Variants in KIAA1614 observed in about 807,000 individuals in gnomAD.
KIAA1614 encodes uncharacterized protein KIAA1614.
A neutral mutation model predicts 88.7 loss-of-function variants in KIAA1614; 76 were observed. That is an observed-to-expected ratio of 0.86 (90% CI 0.71 to 1.04). KIAA1614 has a LOEUF of 1.04. Ranked by LOEUF, KIAA1614 falls within the 50% of genes least tolerant of loss-of-function variation. KIAA1614 has a pLI of 0.00. For missense variants in KIAA1614, 1,553 were observed against 1,582.5 expected (o/e 0.98, Z 0.32); for synonymous variants, 714 against 675.5 (o/e 1.06, Z -0.88).
At chr1:180,928,978 C>T (rs138081234) in intron 4 of KIAA1614, among the ~76,000 whole-genome samples, 167 of 152,272 alleles carry the variant, frequency 1.1e-3, no homozygotes, top group African/African-American at 3.9e-3. Flanking sequence ...TGAGGCTTGA[C>T]GGAAGTATAG....
At chr1:180,933,055 TA>T (rs1338628704) in intron 4 of KIAA1614, among the ~76,000 whole-genome samples, 1 of 152,132 alleles carries the variant, frequency 6.6e-6, no homozygotes, top group South Asian at 2.1e-4. Flanking sequence ...GAGTTCTTTT[TA>T]AAAAAAATTT....
In KIAA1614 at chr1:180,917,977, A is replaced by G. The variant is rs1205799796; in HGVS notation, c.1061+63A>G. ...CTCACCATGGTCCCTCTATTTACTCAGCATCAGGACAGTAAGAGACCTCCC... is the reference window on the plus strand; with the variant it reads ...CTCACCATGGTCCCTCTATTTACTCGGCATCAGGACAGTAAGAGACCTCCC... On this transcript the variant is annotated intron_variant, in intron 3 of 8. Coordinates refer to ENST00000367588, the MANE Select transcript of KIAA1614 (RefSeq NM_020950.2). 4.9e-6 allele frequency: 7 copies of G among 1,417,236 alleles called. No homozygotes were observed. The East Asian group carries it at 6.9e-5, about 14-fold the overall frequency. The allele number at this position is 1,417,236 out of a possible 1,614,324, so 87.8% of individuals were successfully genotyped here.
At chr1:180,944,252 T>C in intron 7 of KIAA1614, 137 bp from the exon 8 acceptor site, 1 of 824,220 alleles carries the variant, frequency 1.2e-6, no homozygotes. Flanking sequence ...TGGTTCCTGT[T>C]GAATTCTTGG....
intron 4 of KIAA1614, among the ~76,000 whole-genome samples, chr1:180,929,754 G>A (rs1477804182): frequency 1.3e-5 from 2 of 152,242 alleles, no homozygotes; most frequent in African/African-American, 2.4e-5. Context: ...GCTATGCCAG[G>A]TCTCACCAGG....
At chr1:180,944,666 G>A in intron 8 of KIAA1614, 150 bp downstream of exon 8, 1 of 830,074 alleles carries the variant, frequency 1.2e-6, no homozygotes, top group Non-Finnish European at 1.8e-6. Context: ...AGACGAGGCT[G>A]CCACGGGAGT....
chr1:180,945,336 T>C lies in KIAA1614; in HGVS notation c.3321T>C (p.Ser1107=). The C allele has an allele frequency of 1.3e-6, 2 of 1,592,794 alleles. No individual in the cohort carries two copies. The highest frequency in any genetic ancestry group is 1.9e-5 in the Admixed American group (1 of 53,366). Residue 1107 remains serine, a synonymous_variant, in exon 9 of 9, where the codon AGT becomes AGC. Coordinates refer to ENST00000367588, the MANE Select transcript of KIAA1614 (RefSeq NM_020950.2). ...PAKTSPRRAL[S]VEDVGAPSLA... is the part of the protein sequence containing the mutation. The stretch of plus-strand genomic sequence containing the variant: ...AGACTTCACCACGGCGTGCCCTCAG[T>C]GTGGAGGACGTGGGTGCTCCCAGCC...
intron 4 of KIAA1614, among the ~76,000 whole-genome samples, chr1:180,931,573 G>A (rs1654197922): frequency 6.6e-6 from 1 of 152,238 alleles, no homozygotes; most frequent in African/African-American, 2.4e-5. Context: ...TTTATGCACA[G>A]TTGCTGACAC....
Position 180,916,976 on chromosome 1 carries a change from G to T in KIAA1614, c.873G>T (p.Leu291Phe). 1 of 1,614,196 alleles carries T rather than the reference G, an allele frequency of 6.2e-7. No individual in the cohort carries two copies. The highest frequency in any genetic ancestry group is 1.1e-5 in the South Asian group (1 of 91,088). The change falls in exon 2 of 9, where the codon TTG becomes TTT. Residue 291 changes from leucine (L) to phenylalanine (F), a missense_variant. By Grantham distance (22) the Leu-to-Phe change is conservative (BLOSUM62 0). Transcript: ENST00000367588. The part of the protein sequence containing the change: ...LEALGAGSSV[L>F]SLSDRVERNR... ...CTCTGGGCGCTGGGAGCAGTGTCTT[G>T]TCCCTGTCTGATCGGGTGGAGAGAA...
intron 4 of KIAA1614, among the ~76,000 whole-genome samples, chr1:180,930,878 C>G (rs1654182727): frequency 6.6e-6 from 1 of 152,248 alleles, no homozygotes; most frequent in Non-Finnish European, 1.5e-5. Flanking sequence ...TCAAATCACC[C>G]TGGAGGGCCA....
chr1:180,938,722 G>A lies in KIAA1614; in HGVS notation c.2918+11G>A. 6.2e-7 allele frequency: 1 copy of A among 1,612,844 alleles called. No individual in the cohort carries two copies. The highest frequency in any genetic ancestry group is 2.2e-5 in the East Asian group (1 of 44,872). On this transcript the variant is annotated intron_variant, in intron 6 of 8. Coordinates refer to ENST00000367588, the MANE Select transcript of KIAA1614 (RefSeq NM_020950.2). ...ACATGTGCTGTCAAGGTGAGTGACA[G>A]GAGAAAGAGCCAGATTGCAGAAGGA... is the stretch of plus-strand genomic sequence containing the variant.
chr1:180,941,671 A>AT (rs1654468814), intron 7 of KIAA1614, among the ~76,000 whole-genome samples: 1 of 152,092 alleles, frequency 6.6e-6, no homozygotes, highest in African/African-American at 2.4e-5. Flanking sequence ...CAGTCCCTTG[A>AT]CTGGCCTCCC....
chr1:180,942,948 A>G (rs1403710322), intron 7 of KIAA1614, among the ~76,000 whole-genome samples: 1 of 152,224 alleles, frequency 6.6e-6, no homozygotes, highest in Non-Finnish European at 1.5e-5. Context: ...TCTCCCCTGC[A>G]GTATTTGTGA....
rs781710804 is a variant in KIAA1614, at chr1:180,917,148, TC to T, written c.997+50del. ...AGGTGGTGGGGGGAGCAGGAGGGAA[TC>T]CAGAGGGAGGAAAAGGGGACGAGGG... On this transcript the variant is annotated intron_variant, in intron 2 of 8. Coordinates refer to ENST00000367588, the MANE Select transcript of KIAA1614 (RefSeq NM_020950.2). 8.0e-6 allele frequency: 12 copies of T among 1,494,562 alleles called. No homozygotes were observed. The Admixed American group carries it at 2.2e-4, about 27-fold the overall frequency. 92.6% of individuals were successfully genotyped at this position (1,494,562 alleles called of 1,614,324 possible). A position where few individuals can be genotyped will look rare whatever the true frequency, so the allele number is the denominator to read the frequency against.
At chr1:180,920,442 A>AG (rs954184407) in intron 3 of KIAA1614, among the ~76,000 whole-genome samples, 1 of 152,182 alleles carries the variant, frequency 6.6e-6, no homozygotes, top group African/African-American at 2.4e-5. Context: ...GCCACCCCGA[A>AG]GGGGGCCCCA....
intron 8 of KIAA1614, chr1:180,944,893 G>A (rs1654554478): frequency 3.8e-6 from 1 of 261,992 alleles, no homozygotes; most frequent in Non-Finnish European, 7.1e-6. Flanking sequence ...CGTGACCCAT[G>A]ACCTGCTTGG....
chr1:180,935,050 C>A lies in KIAA1614; in HGVS notation c.1206-65C>A. ...GTAGCCCAGGGTGGAGAGGGTAGGG[C>A]CGATGCGTGTCCATACCTCCCCAGG... On this transcript the variant is annotated intron_variant, in intron 4 of 8. Coordinates refer to ENST00000367588, the MANE Select transcript of KIAA1614 (RefSeq NM_020950.2). The surrounding 1 kb of genome is among the most constrained non-coding windows in gnomAD (Gnocchi z 6.1). 1 of 1,164,984 alleles carries A rather than the reference C, an allele frequency of 8.6e-7. No individual in the cohort carries two copies. Among genetic ancestry groups the A allele is most frequent in the Non-Finnish European group, 1.1e-6 (1 of 888,770 alleles). The allele number at this position is 1,164,984 out of a possible 1,614,324, so 72.2% of individuals were successfully genotyped here.
At chr1:180,928,340 C>A (rs768030510) in intron 3 of KIAA1614, 90 bp from the exon 4 acceptor site, 21 of 1,346,178 alleles carry the variant, frequency 1.6e-5, no homozygotes, top group Non-Finnish European at 2.1e-5. Flanking sequence ...TCTGGCACAG[C>A]CAGTGCTTGA....
At chr1:180,938,784 C>G (rs576238682) in intron 6 of KIAA1614, 73 bp downstream of exon 6, 1 of 1,479,278 alleles carries the variant, frequency 6.8e-7, no homozygotes, top group East Asian at 2.3e-5. Flanking sequence ...ACAGAGACCC[C>G]CTGGAGTGGT....
chr1:180,938,497 CCA>C, intron 5 of KIAA1614, 56 bp from the exon 6 acceptor site: 1 of 1,580,520 alleles, frequency 6.3e-7, no homozygotes, highest in Non-Finnish European at 8.6e-7. Flanking sequence ...TCCCATTCCC[CCA>C]CAGGACCTGT....
Sources: allele counts gnomAD v4.1 joint callset (sites outside exome capture counted in the v4.1 genomes callset), GRCh38; gene constraint gnomAD v4.1.1; non-coding constraint Gnocchi (gnomAD v3.1); transcripts MANE v1.5; gene names NCBI Gene and HGNC (gene_info 2026-07-23, HGNC 2026-07-21).